Variants in RGS22 observed in about 807,000 individuals in gnomAD.
The protein encoded by RGS22 is regulator of G protein signaling 22.
A neutral mutation model predicts 172.9 loss-of-function variants in RGS22; 148 were observed. The ratio of observed to expected loss-of-function variants is 0.86; its 90% CI spans 0.75 to 0.98. The LOEUF (loss-of-function observed/expected upper bound fraction) is 0.98, where lower values mean the gene tolerates loss of function less well. RGS22 is among the 50% of genes least tolerant of loss of function. The pLI is 0.00. For missense variants in RGS22, 1,347 were observed against 1,440.8 expected (o/e 0.93, Z 1.05); for synonymous variants, 458 against 480.2 (o/e 0.95, Z 0.60).
At chr8:100,081,757 G>C (rs949056421) in intron 3 of RGS22, among the ~76,000 whole-genome samples, 13 of 152,122 alleles carry the variant, frequency 8.5e-5, no homozygotes, top group African/African-American at 2.7e-4. Context: ...TCTGGAGATA[G>C]GAAATTAATT....
At chr8:99,986,075 T>C (rs1335302769) in intron 21 of RGS22, among the ~76,000 whole-genome samples, 1 of 151,734 alleles carries the variant, frequency 6.6e-6, no homozygotes, top group Non-Finnish European at 1.5e-5. Flanking sequence ...ACAAAAAAAT[T>C]AAAAATTAGC....
intron 14 of RGS22, among the ~76,000 whole-genome samples, chr8:100,025,656 G>A (rs1818096860): frequency 6.6e-6 from 1 of 152,228 alleles, no homozygotes; most frequent in African/African-American, 2.4e-5. Context: ...CAAGTAAAGA[G>A]AGGAGCTAAA....
intron 14 of RGS22, among the ~76,000 whole-genome samples, chr8:100,021,362 T>C (rs1394344460): frequency 6.6e-6 from 1 of 152,232 alleles, no homozygotes; most frequent in African/African-American, 2.4e-5. Flanking sequence ...ACATTCTGAA[T>C]AGTCCTTATT....
intron 11 of RGS22, among the ~76,000 whole-genome samples, chr8:100,044,994 G>A (rs1381476342): frequency 6.6e-6 from 1 of 152,046 alleles, no homozygotes; most frequent in African/African-American, 2.4e-5. Context: ...CTCATCCCTG[G>A]AGTACTGGCT....
chr8:100,082,256 T>C (rs549160530), intron 3 of RGS22, among the ~76,000 whole-genome samples: 1 of 152,300 alleles, frequency 6.6e-6, no homozygotes, highest in Admixed American at 6.5e-5. Flanking sequence ...AAGGGGTACA[T>C]GTGCAGGTTT....
In RGS22 at chr8:100,063,690, T is replaced by G; in HGVS notation, c.1078A>C (p.Ile360Leu). The G allele has an allele frequency of 6.2e-7, 1 of 1,614,072 alleles. No homozygotes were observed. Among genetic ancestry groups the G allele is most frequent in the Non-Finnish European group, 8.5e-7 (1 of 1,179,966 alleles). The change falls in exon 8 of 28, where the codon ATT (isoleucine) becomes CTT (leucine). Residue 360 changes from isoleucine to leucine, a missense_variant. By Grantham distance (5) the Ile-to-Leu change is conservative. Coordinates refer to ENST00000360863, the MANE Select transcript of RGS22 (RefSeq NM_015668.5). ...TCACTTAAAAAATTCTTGCCATGAATAGACTCAAAACAATCATCAAATGAC... is the reference window on the plus strand; with the variant it reads ...TCACTTAAAAAATTCTTGCCATGAAGAGACTCAAAACAATCATCAAATGAC... ...KVSFDDCFES[I>L]HGKNFLSELV...
chr8:100,093,420 T>C, intron 3 of RGS22, 27 bp downstream of exon 3: 1 of 1,388,044 alleles, frequency 7.2e-7, no homozygotes, highest in East Asian at 2.3e-5. Context: ...ATAATATATA[T>C]TCAATAGATC....
rs145340804 is a variant in RGS22 at position 100,049,996 on chromosome 8, C to T, written c.1690-2400G>A. ...CCTGGGAGGCGGAGGTTGTGGTGAG[C>T]CGAGACCATGCCATTGCACTCCAGC... On this transcript the variant is annotated intron_variant, in intron 10 of 27. Transcript: ENST00000360863. Among the ~76,000 whole-genome samples the T allele has an allele frequency of 1.7e-4, 26 of 151,288 alleles. No individual in the cohort carries two copies. In the East Asian group the frequency reaches 4.7e-3, roughly 27 times the overall value.
At chr8:100,093,747 G>T (rs537160815) in intron 2 of RGS22, among the ~76,000 whole-genome samples, 1 of 152,102 alleles carries the variant, frequency 6.6e-6, no homozygotes, top group African/African-American at 2.4e-5. Flanking sequence ...AAAACACTTT[G>T]CTACTATACT....
At chr8:100,073,359 C>A (rs749529047) in intron 4 of RGS22, among the ~76,000 whole-genome samples, 7 of 151,480 alleles carry the variant, frequency 4.6e-5, no homozygotes, top group African/African-American at 1.5e-4. Flanking sequence ...ATTGCTGATA[C>A]GCGCAGAAGT....
chr8:100,016,041 A>G (rs975630735), intron 14 of RGS22, among the ~76,000 whole-genome samples: 3 of 152,254 alleles, frequency 2.0e-5, no homozygotes, highest in Admixed American at 6.5e-5. Context: ...TGGTTCCTCT[A>G]TATTTAATTG....
At chr8:100,033,932 T>C (rs1458990765) in intron 14 of RGS22, among the ~76,000 whole-genome samples, 3 of 152,158 alleles carry the variant, frequency 2.0e-5, no homozygotes, top group African/African-American at 7.2e-5. Context: ...TGCTAAAAAC[T>C]CTCAATAAAC....
rs1242887430 is a variant in RGS22, at chr8:100,006,083, C to T, written c.2388G>A (p.Gln796=). 6.2e-7 allele frequency: 1 copy of T among 1,612,894 alleles called. No homozygotes were observed. The highest frequency in any genetic ancestry group is 2.2e-5 in the East Asian group (1 of 44,820). Residue 796 remains glutamine (Q), a synonymous_variant, in exon 16 of 28, where the codon CAG becomes CAA. Coordinates refer to ENST00000360863, the MANE Select transcript of RGS22 (RefSeq NM_015668.5). ...KKVELVEETR[Q]LDSTYFRKLQ... ...GCTTTCTGAAGTATGTGGAGTCTAA[C>T]TGTCGAGTTTCTTCCACCAGCTCCA...
intron 9 of RGS22, among the ~76,000 whole-genome samples, chr8:100,061,325 A>G (rs1241130533): frequency 6.6e-6 from 1 of 152,212 alleles, no homozygotes; most frequent in African/African-American, 2.4e-5. Flanking sequence ...TATCTAAACT[A>G]AAGAGCTTCT....
chr8:100,062,736 T>C lies in RGS22; in HGVS notation c.1369A>G (p.Lys457Glu), dbSNP rs749516216. Residue 457 changes from lysine to glutamate, a missense_variant, in exon 9 of 28, where the codon AAA (lysine) becomes GAA (glutamate). Coordinates refer to ENST00000360863, the MANE Select transcript of RGS22 (RefSeq NM_015668.5). ...GRHQRHLEKM[K>E]KCYLVSNGDY... is the part of the protein sequence containing the mutation. ...CCATTGCTCACTAGATAGCATTTTT[T>C]CATCTTCTCAAGATGTCTGAAATAA... 1 of 1,599,856 alleles carries C rather than the reference T, an allele frequency of 6.3e-7. No individual in the cohort carries two copies. Among genetic ancestry groups the C allele is most frequent in the East Asian group, 2.3e-5 (1 of 44,246 alleles).
chr8:100,047,628 T>C, intron 10 of RGS22, 32 bp from the exon 11 acceptor site: 3 of 1,588,062 alleles, frequency 1.9e-6, no homozygotes, highest in South Asian at 1.2e-5. Flanking sequence ...AAGATGAAAA[T>C]GAGAGAGAAA....
intron 14 of RGS22, among the ~76,000 whole-genome samples, chr8:100,008,974 G>C (rs942825261): frequency 1.3e-5 from 2 of 152,084 alleles, no homozygotes; most frequent in Non-Finnish European, 2.9e-5. Flanking sequence ...GGACTAAAAA[G>C]CTGGCTATTA....
intron 4 of RGS22, among the ~76,000 whole-genome samples, chr8:100,073,931 T>C (rs1372949498): frequency 2.0e-5 from 3 of 152,182 alleles, no homozygotes; most frequent in African/African-American, 7.2e-5. Context: ...AAACTCTTCA[T>C]GGTTTTAAAA....
chr8:99,962,303 G>T, intron 27 of RGS22, 91 bp downstream of exon 27: 1 of 797,926 alleles, frequency 1.3e-6, no homozygotes, highest in Non-Finnish European at 2.2e-6. Flanking sequence ...TATATGTGTG[G>T]TATGCTGTGT....
Sources: allele counts gnomAD v4.1 joint callset (sites outside exome capture counted in the v4.1 genomes callset), GRCh38; gene constraint gnomAD v4.1.1; transcripts MANE v1.5; gene names NCBI Gene and HGNC (gene_info 2026-07-23, HGNC 2026-07-21).